The following ARGLU1 variants were observed in gnomAD, a reference collection of about 807,000 sequenced individuals.
The protein encoded by ARGLU1 is arginine and glutamate rich 1, also known as arginine and glutamate-rich protein 1.
Under a neutral mutation model 37.6 loss-of-function variants are expected in ARGLU1, and 9 were observed. That is an observed-to-expected ratio of 0.24 (90% CI 0.14 to 0.42). The LOEUF is 0.42. Ranked by LOEUF, ARGLU1 falls within the 10% of genes least tolerant of loss-of-function variation. ARGLU1 has a pLI of 1.00. For synonymous variants in ARGLU1, 166 were observed against 138.5 expected (o/e 1.20, Z -1.39); for missense variants, 211 against 359.2 (o/e 0.59, Z 3.34).
At chr13:106,546,722 GT>G (rs1880400400) in intron 3 of ARGLU1, among the ~76,000 whole-genome samples, 1 of 152,046 alleles carries the variant, frequency 6.6e-6, no homozygotes, top group Admixed American at 6.5e-5. Flanking sequence ...TTCTTCTAAG[GT>G]TCTAACTCAA....
intron 3 of ARGLU1, among the ~76,000 whole-genome samples, chr13:106,545,923 G>C (rs1402492748): frequency 1.4e-4 from 22 of 152,150 alleles, no homozygotes; most frequent in Admixed American, 1.4e-3. Context: ...CTGGCTACTG[G>C]ACACATCCAC....
Position 106,557,429 on chromosome 13 carries a change from A to G in ARGLU1, c.574-298T>C. 2 of 679,310 alleles carry G rather than the reference A, an allele frequency of 2.9e-6. No homozygotes were observed. Among genetic ancestry groups the G allele is most frequent in the South Asian group, 5.3e-5 (1 of 18,756 alleles). 42.1% of individuals were successfully genotyped at this position (679,310 alleles called of 1,614,324 possible). On this transcript the variant is annotated intron_variant, in intron 2 of 3. Coordinates refer to ENST00000400198, the MANE Select transcript of ARGLU1 (RefSeq NM_018011.4). This position sits in a 1 kb window ranked among gnomAD's most constrained non-coding sequence, Gnocchi z 5.0. ...TCAACAAGGACAACTACAAAACTGGATAGTATTTACCAAATTAAAAAAATA... is the reference window on the plus strand; with the variant it reads ...TCAACAAGGACAACTACAAAACTGGGTAGTATTTACCAAATTAAAAAAATA...
chr13:106,565,214 T>C (rs1441327637), intron 1 of ARGLU1, among the ~76,000 whole-genome samples: 1 of 152,194 alleles, frequency 6.6e-6, no homozygotes, highest in Non-Finnish European at 1.5e-5. Flanking sequence ...CAGCCTCTAT[T>C]TACCTCTCCA....
intron 2 of ARGLU1, chr13:106,558,165 GA>G (rs997710225): frequency 2.0e-6 from 2 of 984,510 alleles, no homozygotes; most frequent in African/African-American, 1.7e-5. Flanking sequence ...CAAATGAAGA[GA>G]AAAAAATCTT....
At chr13:106,549,509 A>C (rs924505367) in intron 3 of ARGLU1, among the ~76,000 whole-genome samples, 1 of 152,244 alleles carries the variant, frequency 6.6e-6, no homozygotes, top group African/African-American at 2.4e-5. Flanking sequence ...CTACGTCAGT[A>C]AATTTTTCTG....
chr13:106,558,072 T>C (rs73588135), intron 2 of ARGLU1: 1 of 985,252 alleles, frequency 1.0e-6, no homozygotes, highest in Non-Finnish European at 1.2e-6. Context: ...AGCATACATA[T>C]TCAAATGATT....
rs1566474534 is a variant in ARGLU1, at chr13:106,559,672, GA to G, written c.348-16del. ...CTTGCTGTCGACTAGCAAACAAAGT[GA>G]AAAAAACAAGTTAGGTATTTACTTT... On this transcript the variant is annotated splice_polypyrimidine_tract_variant and intron_variant, in intron 1 of 3. Coordinates refer to ENST00000400198, the MANE Select transcript of ARGLU1 (RefSeq NM_018011.4). The G allele has an allele frequency of 1.3e-6, 2 of 1,590,784 alleles. No homozygotes were observed. The highest frequency in any genetic ancestry group is 1.4e-5 in the African/African-American group (1 of 73,030).
At chr13:106,560,872 A>G (rs1035283321) in intron 1 of ARGLU1, among the ~76,000 whole-genome samples, 3 of 152,202 alleles carry the variant, frequency 2.0e-5, no homozygotes, top group Non-Finnish European at 2.9e-5. Context: ...AAGACTTTAT[A>G]GTTTCTAAGT....
intron 3 of ARGLU1, among the ~76,000 whole-genome samples, chr13:106,546,620 T>C (rs754200035): frequency 1.3e-5 from 2 of 152,210 alleles, no homozygotes; most frequent in African/African-American, 4.8e-5. Context: ...AAGAGCTTAG[T>C]GTGTGCAACT....
At chr13:106,550,192 C>T (rs1293058113) in intron 3 of ARGLU1, among the ~76,000 whole-genome samples, 1 of 152,108 alleles carries the variant, frequency 6.6e-6, no homozygotes, top group African/African-American at 2.4e-5. Context: ...TTTCATACCT[C>T]TTCACTCACC....
Position 106,567,964 on chromosome 13 carries a change from G to C in ARGLU1, c.-45C>G. ...ACCGCTCGCCTCAGGCCCCTCACGC[G>C]GCCAGTTCCCCTCGCCTCCGCCTTC... On this transcript the variant is annotated 5_prime_UTR_variant, in exon 1 of 4. Transcript: ENST00000400198. This position sits in a 1 kb window ranked among gnomAD's most constrained non-coding sequence, Gnocchi z 4.3. The C allele has an allele frequency of 6.5e-7, 1 of 1,546,930 alleles. No homozygotes were observed. The highest frequency in any genetic ancestry group is 8.6e-7 in the Non-Finnish European group (1 of 1,159,910).
chr13:106,544,762 T>C (rs1192540780), intron 3 of ARGLU1, among the ~76,000 whole-genome samples: 1 of 151,840 alleles, frequency 6.6e-6, no homozygotes, highest in Admixed American at 6.6e-5. Flanking sequence ...GGTCAAATCA[T>C]GCTGAAAAAA....
intron 1 of ARGLU1, among the ~76,000 whole-genome samples, chr13:106,564,962 T>G (rs1339229085): frequency 6.6e-6 from 1 of 152,252 alleles, no homozygotes; most frequent in African/African-American, 2.4e-5. Context: ...ACATTCTTTT[T>G]CTGAAGTCCC....
intron 2 of ARGLU1, chr13:106,558,064 C>G (rs1339505152): frequency 1.0e-5 from 10 of 984,956 alleles, no homozygotes; most frequent in Non-Finnish European, 1.1e-5. Context: ...CAGATCACAG[C>G]ATACATATTC....
chr13:106,559,102 C>A, intron 2 of ARGLU1: 3 of 1,250,416 alleles, frequency 2.4e-6, no homozygotes, highest in Non-Finnish European at 3.1e-6. Context: ...AACCTTTTCC[C>A]TTTACCACTC....
At chr13:106,553,694 T>C (rs1297789042) in intron 3 of ARGLU1, among the ~76,000 whole-genome samples, 2 of 152,208 alleles carry the variant, frequency 1.3e-5, no homozygotes, top group African/African-American at 2.4e-5. Flanking sequence ...TTTTCAGAAA[T>C]GTATTGTAGT....
intron 3 of ARGLU1, among the ~76,000 whole-genome samples, chr13:106,544,674 A>G (rs1880347489): frequency 6.6e-6 from 1 of 152,172 alleles, no homozygotes; most frequent in African/African-American, 2.4e-5. Flanking sequence ...ACCAATTGCC[A>G]TATTTATAGT....
intron 3 of ARGLU1, among the ~76,000 whole-genome samples, chr13:106,550,694 A>T (rs1165273583): frequency 6.6e-6 from 1 of 152,232 alleles, no homozygotes; most frequent in Non-Finnish European, 1.5e-5. Flanking sequence ...AACAAAAATC[A>T]AAAGTGTTGG....
chr13:106,561,546 A>G (rs995497231), intron 1 of ARGLU1, among the ~76,000 whole-genome samples: 1 of 152,166 alleles, frequency 6.6e-6, no homozygotes, highest in African/African-American at 2.4e-5. Context: ...AAACCGGTAC[A>G]ATGTGACTTT....
Sources: gnomAD v4.1 joint callset for allele counts (sites outside exome capture counted in the v4.1 genomes callset) on GRCh38, gnomAD v4.1.1 for gene constraint, Gnocchi (gnomAD v3.1) non-coding constraint, MANE v1.5 for transcripts, NCBI Gene and HGNC (gene_info 2026-07-23, HGNC 2026-07-21) for gene names.